Variants in HRH1 observed in about 807,000 individuals in gnomAD.
HRH1 encodes histamine receptor H1.
Under a neutral mutation model 10.3 loss-of-function variants are expected in HRH1, and 6 were observed. That is an observed-to-expected ratio of 0.58 (90% CI 0.32 to 1.15). The LOEUF (loss-of-function observed/expected upper bound fraction) is 1.15, where lower values mean the gene tolerates loss of function less well. Among genes scored for constraint, HRH1 ranks in the 50% most tolerant of loss-of-function variants. The pLI, the probability that HRH1 is intolerant of heterozygous loss-of-function variation, is 0.05. For missense variants in HRH1, 514 were observed against 615.3 expected (o/e 0.84, Z 1.74); for synonymous variants, 242 against 236.7 (o/e 1.02, Z -0.21).
chr3:11,204,348 G>A (rs1938039517), intron 1 of HRH1, among the ~76,000 whole-genome samples: 2 of 152,152 alleles, frequency 1.3e-5, no homozygotes, highest in Admixed American at 6.5e-5. Flanking sequence ...AGTTTATTCT[G>A]GGGCTAGGGA....
In HRH1 at chr3:11,190,581, C is replaced by T. The variant is rs200302335; in HGVS notation, c.-36+36027C>T. Among the ~76,000 whole-genome samples, 89 of 151,928 alleles carry T rather than the reference C, an allele frequency of 5.9e-4. No individual in the cohort carries two copies. In the East Asian group the frequency reaches 0.015, roughly 25 times the overall value. Reference sequence around the variant, plus strand: ...AATTTCTTTTGTATTTTAGTAGAGACGGGGTTTCACCATGTTGCCCAGGCC... The same window carrying T: ...AATTTCTTTTGTATTTTAGTAGAGATGGGGTTTCACCATGTTGCCCAGGCC... On this transcript the variant is annotated intron_variant, in intron 1 of 1. Coordinates refer to ENST00000431010, the MANE Select transcript of HRH1 (RefSeq NM_001098212.2).
At chr3:11,179,024 A>C (rs960309645) in intron 1 of HRH1, among the ~76,000 whole-genome samples, 7 of 152,206 alleles carry the variant, frequency 4.6e-5, no homozygotes, top group Non-Finnish European at 8.8e-5. Flanking sequence ...ACAGTGACTC[A>C]TGCCTGTAAT....
At chr3:11,212,742 A>G (rs544716177) in intron 1 of HRH1, among the ~76,000 whole-genome samples, 2 of 152,220 alleles carry the variant, frequency 1.3e-5, no homozygotes, top group Admixed American at 6.5e-5. Flanking sequence ...CATAGCAATT[A>G]AGGACATGGG....
At chr3:11,197,567 A>T (rs1433525316) in intron 1 of HRH1, among the ~76,000 whole-genome samples, 2 of 152,194 alleles carry the variant, frequency 1.3e-5, no homozygotes, top group Non-Finnish European at 2.9e-5. Context: ...GCCAATTTGG[A>T]TGTTTATAGT....
At position 11,259,835 on chromosome 3, in the gene HRH1, T is replaced by C. The variant is rs1303798692; in HGVS notation, c.798T>C (p.Asp266=). 2 of 1,613,948 alleles carry C rather than the reference T, an allele frequency of 1.2e-6. No homozygotes were observed. The highest frequency in any genetic ancestry group is 1.1e-5 in the South Asian group (1 of 91,068). Residue 266 remains aspartate, a synonymous_variant, in exon 2 of 2, where the codon GAT becomes GAC. Transcript: ENST00000431010. The surrounding 1 kb of genome is among the most constrained non-coding windows in gnomAD (Gnocchi z 4.6). ...PWEVLKRKPK[D]AGGGSVLKSP... ...AGGTTCTGAAAAGGAAGCCAAAAGA[T>C]GCTGGTGGTGGATCTGTCTTGAAGT... is the stretch of plus-strand genomic sequence containing the variant.
At chr3:11,190,316 A>G (rs1448833805) in intron 1 of HRH1, among the ~76,000 whole-genome samples, 3 of 152,052 alleles carry the variant, frequency 2.0e-5, no homozygotes, top group African/African-American at 7.2e-5. Context: ...GTTTAAGACC[A>G]GCCTGAGCAA....
chr3:11,213,056 A>G (rs1481206446), intron 1 of HRH1, among the ~76,000 whole-genome samples: 1 of 152,128 alleles, frequency 6.6e-6, no homozygotes, highest in Non-Finnish European at 1.5e-5. Flanking sequence ...CACCCTATAT[A>G]AACAGCAGAC....
intron 1 of HRH1, among the ~76,000 whole-genome samples, chr3:11,246,077 A>T (rs1396407680): frequency 1.3e-5 from 2 of 151,338 alleles, no homozygotes; most frequent in Admixed American, 1.3e-4. Context: ...CTCACACACA[A>T]TCACACACAT....
intron 1 of HRH1, among the ~76,000 whole-genome samples, chr3:11,140,707 A>C (rs1289620433): frequency 6.6e-6 from 1 of 152,056 alleles, no homozygotes; most frequent in Non-Finnish European, 1.5e-5. Flanking sequence ...GAACTCTGCC[A>C]CTTCTAGGCT....
intron 1 of HRH1, among the ~76,000 whole-genome samples, chr3:11,232,663 G>C (rs1035003729): frequency 1.3e-5 from 2 of 152,092 alleles, no homozygotes; most frequent in East Asian, 1.9e-4. Context: ...GTCTATATCC[G>C]TAAGACATCT....
At chr3:11,208,136 A>G (rs1330206459) in intron 1 of HRH1, among the ~76,000 whole-genome samples, 1 of 147,628 alleles carries the variant, frequency 6.8e-6, no homozygotes, top group African/African-American at 2.5e-5. Context: ...GCAATTTTAG[A>G]TTGACTCCAG....
intron 1 of HRH1, among the ~76,000 whole-genome samples, chr3:11,177,856 G>C (rs2035665): frequency 0.15 from 22,943 of 152,194 alleles, 3,169 homozygotes; most frequent in African/African-American, 0.37. Flanking sequence ...ACCAATTGTT[G>C]ATGGCCTCTC....
At chr3:11,213,977 C>T (rs17034174) in intron 1 of HRH1, among the ~76,000 whole-genome samples, 11,253 of 151,970 alleles carry the variant, frequency 0.074, 693 homozygotes, top group African/African-American at 0.17. Flanking sequence ...GGCTCCTTGG[C>T]GGGTGGCATC....
At chr3:11,176,360 C>A (rs1425945474) in intron 1 of HRH1, among the ~76,000 whole-genome samples, 1 of 152,086 alleles carries the variant, frequency 6.6e-6, no homozygotes, top group African/African-American at 2.4e-5. Flanking sequence ...GCCAGTTGTG[C>A]CCCCCATATC....
In HRH1 at chr3:11,154,669, G is replaced by C. The variant is rs1016772947; in HGVS notation, c.-36+115G>C. ...CCCGGCAGGGCGGCCGGGAACCCCG[G>C]AGCCGCCCGCTTGAGAAGAGCGCGC... On this transcript the variant is annotated intron_variant, in intron 1 of 1. Coordinates refer to ENST00000431010, the MANE Select transcript of HRH1 (RefSeq NM_001098212.2). This position sits in a 1 kb window ranked among gnomAD's most constrained non-coding sequence, Gnocchi z 4.4. 3.3e-5 allele frequency: 5 copies of C among 152,020 alleles called. No individual in the cohort carries two copies. Among genetic ancestry groups the C allele is most frequent in the African/African-American group, 1.2e-4 (5 of 41,416 alleles). 9.4% of individuals were successfully genotyped at this position (152,020 alleles called of 1,614,324 possible).
intron 1 of HRH1, among the ~76,000 whole-genome samples, chr3:11,140,084 G>C (rs987624427): frequency 6.6e-6 from 1 of 152,130 alleles, no homozygotes; most frequent in Non-Finnish European, 1.5e-5. Context: ...AGTAAACAAA[G>C]GGCCGTCCGG....
intron 1 of HRH1, among the ~76,000 whole-genome samples, chr3:11,177,008 G>T (rs1007398940): frequency 6.6e-6 from 1 of 151,836 alleles, no homozygotes; most frequent in Non-Finnish European, 1.5e-5. Flanking sequence ...CATGAGAATC[G>T]CTTAAACCTG....
chr3:11,231,910 C>T (rs1939052235), intron 1 of HRH1, among the ~76,000 whole-genome samples: 1 of 151,658 alleles, frequency 6.6e-6, no homozygotes, highest in Non-Finnish European at 1.5e-5. Context: ...AGCTGTGGAT[C>T]CTGAAGATTT....
intron 1 of HRH1, among the ~76,000 whole-genome samples, chr3:11,205,592 C>T (rs1192165116): frequency 2.6e-5 from 4 of 152,076 alleles, no homozygotes; most frequent in African/African-American, 4.8e-5. Context: ...TGTACATTTT[C>T]ATGAGCTCTC....
Sources: allele counts gnomAD v4.1 joint callset (sites outside exome capture counted in the v4.1 genomes callset), GRCh38; gene constraint gnomAD v4.1.1; non-coding constraint Gnocchi (gnomAD v3.1); transcripts MANE v1.5; gene names NCBI Gene and HGNC (gene_info 2026-07-23, HGNC 2026-07-21).